The following SLC35F1 variants were observed in gnomAD, a reference collection of about 807,000 sequenced individuals.
SLC35F1 encodes the protein solute carrier family 35 member F1.
SLC35F1 carries 14 observed loss-of-function variants against 48.7 expected under a neutral mutation model. The ratio of observed to expected loss-of-function variants is 0.29; its 90% confidence interval spans 0.19 to 0.45. The LOEUF is 0.45. Among genes scored for constraint, SLC35F1 ranks in the 20% least tolerant of loss-of-function variants. The pLI, the probability that SLC35F1 is intolerant of heterozygous loss-of-function variation, is 1.00. For missense variants in SLC35F1, 404 were observed against 500.0 expected (o/e 0.81, Z 1.83); for synonymous variants, 190 against 202.2 (o/e 0.94, Z 0.51).
intron 3 of SLC35F1, among the ~76,000 whole-genome samples, chr6:118,257,096 G>A (rs1319134875): frequency 6.6e-6 from 1 of 152,090 alleles, no homozygotes; most frequent in Non-Finnish European, 1.5e-5. Context: ...TCCTTCCCAT[G>A]ATACCACCCA....
intron 1 of SLC35F1, among the ~76,000 whole-genome samples, chr6:117,980,591 G>A (rs908047098): frequency 1.3e-5 from 2 of 152,148 alleles, no homozygotes; most frequent in Non-Finnish European, 2.9e-5. Flanking sequence ...TATATCCTTG[G>A]CACTGTGTTG....
intron 1 of SLC35F1, among the ~76,000 whole-genome samples, chr6:117,925,359 G>A (rs1415548823): frequency 2.6e-5 from 4 of 152,054 alleles, no homozygotes; most frequent in Admixed American, 2.6e-4. Flanking sequence ...GCTACCAGCT[G>A]CTAACAGTAG....
At chr6:118,142,623 C>T (rs1447300649) in intron 1 of SLC35F1, among the ~76,000 whole-genome samples, 6 of 152,006 alleles carry the variant, frequency 3.9e-5, no homozygotes, top group South Asian at 4.1e-4. Context: ...ATTTCTTCCC[C>T]GTCATTATAA....
At chr6:118,068,730 G>A (rs1254960081) in intron 1 of SLC35F1, among the ~76,000 whole-genome samples, 2 of 152,016 alleles carry the variant, frequency 1.3e-5, no homozygotes, top group Non-Finnish European at 1.5e-5. Flanking sequence ...GTTACTAAGC[G>A]CCTATGTTAA....
chr6:118,224,657 A>G (rs1394452138), intron 2 of SLC35F1, among the ~76,000 whole-genome samples: 13 of 152,202 alleles, frequency 8.5e-5, no homozygotes, highest in Non-Finnish European at 1.8e-4. Flanking sequence ...ATTATTTTGT[A>G]TTATTAGTAG....
intron 1 of SLC35F1, among the ~76,000 whole-genome samples, chr6:118,016,562 T>C (rs1006101599): frequency 6.6e-6 from 1 of 152,222 alleles, no homozygotes; most frequent in Non-Finnish European, 1.5e-5. Flanking sequence ...TAGAATTCAT[T>C]TCTGAAATCA....
At chr6:118,233,725 G>A (rs1775326539) in intron 2 of SLC35F1, among the ~76,000 whole-genome samples, 1 of 152,204 alleles carries the variant, frequency 6.6e-6, no homozygotes, top group Non-Finnish European at 1.5e-5. Context: ...AGAGATGGAT[G>A]TGCATTACCC....
chr6:117,940,375 G>T (rs372589662), intron 1 of SLC35F1, among the ~76,000 whole-genome samples: 1 of 152,122 alleles, frequency 6.6e-6, no homozygotes, highest in African/African-American at 2.4e-5. Context: ...CTGTCTGTAC[G>T]TGCTGCATTT....
chr6:117,923,318 A>G (rs986945344), intron 1 of SLC35F1, among the ~76,000 whole-genome samples: 2 of 152,024 alleles, frequency 1.3e-5, no homozygotes, highest in Non-Finnish European at 2.9e-5. Flanking sequence ...CTACAGGCAG[A>G]CAGCCCATGC....
At chr6:118,106,702 T>A (rs1029346904) in intron 1 of SLC35F1, among the ~76,000 whole-genome samples, 1 of 152,236 alleles carries the variant, frequency 6.6e-6, no homozygotes, top group Non-Finnish European at 1.5e-5. Flanking sequence ...TATAATACAT[T>A]TCTATTGTGA....
intron 7 of SLC35F1, among the ~76,000 whole-genome samples, chr6:118,295,754 T>A (rs1380989975): frequency 6.6e-6 from 1 of 152,186 alleles, no homozygotes; most frequent in East Asian, 1.9e-4. Context: ...AGTGCCCAAA[T>A]GTAATTAGAA....
chr6:117,922,325 G>T (rs1451021900), intron 1 of SLC35F1, among the ~76,000 whole-genome samples: 1 of 152,112 alleles, frequency 6.6e-6, no homozygotes, highest in African/African-American at 2.4e-5. Flanking sequence ...TCCTGAACAA[G>T]TTCTACCAGT....
chr6:117,917,891 AG>A (rs1036231321), intron 1 of SLC35F1, among the ~76,000 whole-genome samples: 15 of 152,090 alleles, frequency 9.9e-5, no homozygotes. Flanking sequence ...CAAACACAGA[AG>A]GACTCAGCAA....
At chr6:118,265,212 C>T (rs1582759510) in intron 3 of SLC35F1, among the ~76,000 whole-genome samples, 1 of 152,224 alleles carries the variant, frequency 6.6e-6, no homozygotes, top group Non-Finnish European at 1.5e-5. Flanking sequence ...CAAGAAGCCA[C>T]TCTGATGTTC....
intron 1 of SLC35F1, among the ~76,000 whole-genome samples, chr6:117,976,035 GA>G (rs1776701042): frequency 6.6e-6 from 1 of 152,132 alleles, no homozygotes; most frequent in African/African-American, 2.4e-5. Context: ...TAAATCTATT[GA>G]ATGTCAGGCA....
intron 1 of SLC35F1, among the ~76,000 whole-genome samples, chr6:118,116,421 G>A (rs181800721): frequency 6.6e-6 from 1 of 152,202 alleles, no homozygotes; most frequent in African/African-American, 2.4e-5. Flanking sequence ...ATAAATGCAA[G>A]TGTGGTCAAC....
intron 1 of SLC35F1, among the ~76,000 whole-genome samples, chr6:117,967,323 T>G (rs1028674621): frequency 1.3e-5 from 2 of 152,164 alleles, no homozygotes; most frequent in African/African-American, 4.8e-5. Context: ...AGAAAAAATT[T>G]TTACTATATT....
chr6:118,034,682 C>G (rs1268726694), intron 1 of SLC35F1, among the ~76,000 whole-genome samples: 4 of 152,054 alleles, frequency 2.6e-5, no homozygotes, highest in African/African-American at 7.2e-5. Flanking sequence ...AGAAAATTAC[C>G]CTTGGAGTTC....
At chr6:118,245,113 G>A (rs949011527) in intron 3 of SLC35F1, among the ~76,000 whole-genome samples, 5 of 152,140 alleles carry the variant, frequency 3.3e-5, no homozygotes, top group African/African-American at 1.2e-4. Flanking sequence ...AATGGATGCA[G>A]GTTCATTCAT....
Sources: gnomAD v4.1 joint callset for allele counts (sites outside exome capture counted in the v4.1 genomes callset) on GRCh38, gnomAD v4.1.1 for gene constraint, MANE v1.5 for transcripts, NCBI Gene and HGNC (gene_info 2026-07-23, HGNC 2026-07-21) for gene names.